The following DYNC2H1 variants were observed in gnomAD, a reference collection of about 807,000 sequenced individuals.
DYNC2H1 encodes dynein cytoplasmic 2 heavy chain 1.
DYNC2H1 carries 410 observed loss-of-function variants against 570.0 expected under a neutral mutation model. That is an observed-to-expected ratio of 0.72 (90% CI 0.66 to 0.78). The LOEUF (loss-of-function observed/expected upper bound fraction) is 0.78, where lower values mean the gene tolerates loss of function less well. Among genes scored for constraint, DYNC2H1 ranks in the 30% least tolerant of loss-of-function variants. The probability of loss-of-function intolerance (pLI) is 0.00; values close to 1 mark genes in which losing one functional copy is unlikely to be tolerated. For missense variants in DYNC2H1, 4,865 were observed against 5,046.4 expected, an observed-to-expected ratio of 0.96 and a Z score of 1.09; for synonymous variants, 1,688 against 1,677.6, an observed-to-expected ratio of 1.01 and a Z score of -0.15.
intron 55 of DYNC2H1, among the ~76,000 whole-genome samples, chr11:103,216,963 T>C (rs1863409614): frequency 6.6e-6 from 1 of 152,182 alleles, no homozygotes; most frequent in South Asian, 2.1e-4. Context: ...TTATAAATTA[T>C]ATTATACTGA....
intron 6 of DYNC2H1, among the ~76,000 whole-genome samples, chr11:103,119,164 G>A (rs1358795392): frequency 6.6e-6 from 1 of 152,004 alleles, no homozygotes; most frequent in East Asian, 1.9e-4. Context: ...AAGTTCCATT[G>A]GCAACCAATG....
chr11:103,426,173 A>C (rs1370153925), intron 84 of DYNC2H1, among the ~76,000 whole-genome samples: 6 of 152,212 alleles, frequency 3.9e-5, no homozygotes, highest in Non-Finnish European at 7.3e-5. Flanking sequence ...GTTTTGGCCC[A>C]TCCCTTTGTT....
chr11:103,189,752 C>A lies in DYNC2H1; in HGVS notation c.7373C>A (p.Ser2458Tyr), dbSNP rs776765383. 1.2e-6 allele frequency: 2 copies of A among 1,612,308 alleles called. No individual in the cohort carries two copies. The highest frequency in any genetic ancestry group is 1.7e-6 in the Non-Finnish European group (2 of 1,179,090). Residue 2458 changes from serine (S) to tyrosine (Y), a missense_variant, in exon 45 of 89, where the codon TCT (serine) becomes TAT (tyrosine). This residue lies in a region of DYNC2H1 where 2,401 missense variants were observed against 2,454.6 expected (regional missense o/e 0.98). Transcript: ENST00000375735. The surrounding 1 kb of genome is among the most constrained non-coding windows in gnomAD (Gnocchi z 4.3). Reference protein sequence around the residue: ...PVLHKNLKNHSIWGSSSKIYL... With the variant: ...PVLHKNLKNHYIWGSSSKIYL... ...CTACATAAAAATCTGAAGAATCATT[C>A]TATTTGGGGTTCTTCATCAAAAATT...
rs1436765680 is a variant in DYNC2H1 at position 103,395,629 on chromosome 11, T to C, written c.12157-4034T>C. Among the ~76,000 whole-genome samples, 1 of 152,126 alleles carries C rather than the reference T, an allele frequency of 6.6e-6. No individual in the cohort carries two copies. The highest frequency in any genetic ancestry group is 1.5e-5 in the Non-Finnish European group (1 of 68,018). ...TTCAAGTCTAGTAGAAAGAAACAGT[T>C]ACCTATTTTTCAGAATACCCAGCAG... is the stretch of plus-strand genomic sequence containing the variant. On this transcript the variant is annotated intron_variant, in intron 83 of 88. Coordinates refer to ENST00000375735, the MANE Select transcript of DYNC2H1 (RefSeq NM_001377.3). The surrounding 1 kb of genome is among the most constrained non-coding windows in gnomAD (Gnocchi z 4.3).
Position 103,154,519 on chromosome 11 carries a change from T to C in DYNC2H1, c.3371T>C (p.Ile1124Thr). The C allele has an allele frequency of 6.3e-7, 1 of 1,579,558 alleles. No homozygotes were observed. The change falls in exon 23 of 89, where the codon ATC becomes ACC. Residue 1124 changes from isoleucine to threonine, a missense_variant. By Grantham distance (89) the Ile-to-Thr change is moderately conservative. Coordinates refer to ENST00000375735, the MANE Select transcript of DYNC2H1 (RefSeq NM_001377.3). ...FSLASSISKD[I>T]ESCAQIWAFY... ...CTGGCAAGTAGTATCTCTAAAGATA[T>C]CGAGAGCTGTGCCCAAATTTGGGCC...
Position 103,299,386 on chromosome 11 carries a change from G to T in DYNC2H1, c.11096-3707G>T, listed in dbSNP as rs771754221. On this transcript the variant is annotated intron_variant, in intron 75 of 88. Coordinates refer to ENST00000375735, the MANE Select transcript of DYNC2H1 (RefSeq NM_001377.3). This position sits in a 1 kb window ranked among gnomAD's most constrained non-coding sequence, Gnocchi z 4.5. ...AATGCCCAGTTATCATCTTCTGCAG[G>T]TCAGAAACCTGATGGGCTCACCAGG... Among the ~76,000 whole-genome samples, 2 of 152,104 alleles carry T rather than the reference G, an allele frequency of 1.3e-5. No individual in the cohort carries two copies. Among genetic ancestry groups the T allele is most frequent in the African/African-American group, 2.4e-5 (1 of 41,438 alleles).
rs563288949 is a variant in DYNC2H1, at chr11:103,189,779, A to G, written c.7400A>G (p.Tyr2467Cys). The part of the protein sequence containing the change: ...HSIWGSSSKI[Y>C]LLAGSMVQVY... ...ATTTGGGGTTCTTCATCAAAAATTT[A>G]TCTTTTAGCAGGATCTATGGTACAA... is the stretch of plus-strand genomic sequence containing the variant. The change falls in exon 45 of 89, where the codon TAT becomes TGT. Residue 2467 changes from tyrosine (Y) to cysteine (C), a missense_variant. Coordinates refer to ENST00000375735, the MANE Select transcript of DYNC2H1 (RefSeq NM_001377.3). The surrounding 1 kb of genome is among the most constrained non-coding windows in gnomAD (Gnocchi z 4.3). The G allele has an allele frequency of 1.5e-5, 24 of 1,611,522 alleles. No homozygotes were observed. In the African/African-American group the frequency reaches 1.6e-4, roughly 11 times the overall value.
rs1859364018 is a variant in DYNC2H1 at position 103,133,225 on chromosome 11, G to C, written c.1954-330G>C. Reference sequence around the variant, plus strand: ...TCTTCTCTAGCGCCCTGTCCTGGATGTATAGGAGATAATAAGGAAACCCAG... The same window carrying C: ...TCTTCTCTAGCGCCCTGTCCTGGATCTATAGGAGATAATAAGGAAACCCAG... On this transcript the variant is annotated intron_variant, in intron 13 of 88. Transcript: ENST00000375735. This position sits in a 1 kb window ranked among gnomAD's most constrained non-coding sequence, Gnocchi z 4.8. 6.6e-6 allele frequency among the ~76,000 whole-genome samples: 1 copy of C among 152,108 alleles called. No homozygotes were observed. Among genetic ancestry groups the C allele is most frequent in the South Asian group, 2.1e-4 (1 of 4,822 alleles).
At chr11:103,207,655 G>A (rs796445029) in intron 52 of DYNC2H1, among the ~76,000 whole-genome samples, 1 of 152,096 alleles carries the variant, frequency 6.6e-6, no homozygotes, top group Non-Finnish European at 1.5e-5. Context: ...GTGAAAGAGG[G>A]AAAGGATTAG....
At chr11:103,393,804 A>G (rs1450511249) in intron 83 of DYNC2H1, among the ~76,000 whole-genome samples, 3 of 152,234 alleles carry the variant, frequency 2.0e-5, no homozygotes, top group Admixed American at 2.0e-4. Flanking sequence ...CCTCACAGTC[A>G]TGGCGGAAGG....
chr11:103,459,325 A>G (rs1591790176), intron 87 of DYNC2H1, among the ~76,000 whole-genome samples: 1 of 149,294 alleles, frequency 6.7e-6, no homozygotes, highest in Non-Finnish European at 1.5e-5. Context: ...AAAAAAAAAA[A>G]AAAAAAAAGG....
Position 103,462,740 on chromosome 11 carries a change from T to C in DYNC2H1, c.12649-5849T>C, listed in dbSNP as rs772709272. The stretch of plus-strand genomic sequence containing the variant: ...AGTGACATTTTCTCTTTAAGTATCA[T>C]TGTGAGCTTCTTGTATATCTAATGT... On this transcript the variant is annotated intron_variant, in intron 87 of 88. Transcript: ENST00000375735. Among the ~76,000 whole-genome samples the C allele has an allele frequency of 1.4e-4, 21 of 152,356 alleles. No individual in the cohort carries two copies. The South Asian group carries it at 1.4e-3, about 11-fold the overall frequency.
chr11:103,208,763 A>G (rs1863034845), intron 52 of DYNC2H1, among the ~76,000 whole-genome samples: 1 of 152,124 alleles, frequency 6.6e-6, no homozygotes, highest in Admixed American at 6.6e-5. Context: ...GAATATGTTA[A>G]TATATGAAAT....
At chr11:103,120,024 G>A (rs906272171) in intron 6 of DYNC2H1, among the ~76,000 whole-genome samples, 1 of 152,024 alleles carries the variant, frequency 6.6e-6, no homozygotes, top group Admixed American at 6.6e-5. Context: ...AAAAAATAGG[G>A]CTGTTAACAT....
At position 103,354,002 on chromosome 11, in the gene DYNC2H1, C is replaced by T. The variant is rs1412374204; in HGVS notation, c.12040-4241C>T. Among the ~76,000 whole-genome samples the T allele has an allele frequency of 3.3e-5, 5 of 151,810 alleles. No individual in the cohort carries two copies. In the East Asian group the frequency reaches 9.7e-4, roughly 29 times the overall value. On this transcript the variant is annotated intron_variant, in intron 82 of 88. Transcript: ENST00000375735. ...GACCATCCTGGCCAACATGAGGAAA[C>T]TCTGTTCCTATTAAAAATACAAAAA...
At chr11:103,372,069 C>G (rs1941185241) in intron 83 of DYNC2H1, among the ~76,000 whole-genome samples, 1 of 107,926 alleles carries the variant, frequency 9.3e-6, no homozygotes, top group African/African-American at 3.5e-5. Flanking sequence ...GAGGCAGGGT[C>G]TCACTCTGTC....
chr11:103,222,548 C>G (rs1863627327), intron 58 of DYNC2H1, among the ~76,000 whole-genome samples: 1 of 152,038 alleles, frequency 6.6e-6, no homozygotes, highest in Non-Finnish European at 1.5e-5. Flanking sequence ...TTTTAGATCC[C>G]TTAATCAAAA....
At chr11:103,148,755 G>C in intron 20 of DYNC2H1, 138 bp downstream of exon 20, 2 of 1,137,278 alleles carry the variant, frequency 1.8e-6, no homozygotes, top group Non-Finnish European at 2.4e-6. Flanking sequence ...GGCTTACCTG[G>C]TTAGCTCATG....
Position 103,395,181 on chromosome 11 carries a change from G to A in DYNC2H1, c.12157-4482G>A, listed in dbSNP as rs1363254433. ...TTAATCAGTTATGACATTTTAGATT[G>A]CAAGTAATTGGAAAACTCAGCTCAA... On this transcript the variant is annotated intron_variant, in intron 83 of 88. Coordinates refer to ENST00000375735, the MANE Select transcript of DYNC2H1 (RefSeq NM_001377.3). This position sits in a 1 kb window ranked among gnomAD's most constrained non-coding sequence, Gnocchi z 4.3. Among the ~76,000 whole-genome samples the A allele has an allele frequency of 6.6e-6, 1 of 152,076 alleles. No individual in the cohort carries two copies. Among genetic ancestry groups the A allele is most frequent in the Non-Finnish European group, 1.5e-5 (1 of 68,026 alleles).
Sources: gnomAD v4.1 joint callset for allele counts (sites outside exome capture counted in the v4.1 genomes callset) on GRCh38, gnomAD v4.1.1 for gene constraint, gnomAD v4.1.1 regional missense constraint, Gnocchi (gnomAD v3.1) non-coding constraint, MANE v1.5 for transcripts, NCBI Gene and HGNC (gene_info 2026-07-23, HGNC 2026-07-21) for gene names.